SMAD3: variants seen among roughly 807,000 people sequenced by gnomAD.
The protein encoded by SMAD3 is MAD homolog 3.
Under a neutral mutation model 51.8 loss-of-function variants are expected in SMAD3, and 12 were observed. The ratio of observed to expected loss-of-function variants is 0.23; its 90% CI spans 0.15 to 0.38. SMAD3 has a LOEUF of 0.38. Ranked by LOEUF, SMAD3 falls within the 10% of genes least tolerant of loss-of-function variation. SMAD3 has a pLI of 1.00. For missense variants in SMAD3, 294 were observed against 565.6 expected (o/e 0.52, Z 4.87); for synonymous variants, 238 against 227.7 (o/e 1.05, Z -0.41).
intron 1 of SMAD3, among the ~76,000 whole-genome samples, chr15:67,083,400 A>G (rs906429555): frequency 1.3e-5 from 2 of 152,240 alleles, no homozygotes; most frequent in African/African-American, 4.8e-5. Flanking sequence ...ACTGGGGTTC[A>G]TGTGGGAAGT....
intron 1 of SMAD3, among the ~76,000 whole-genome samples, chr15:67,119,932 G>T (rs1029015941): frequency 2.0e-5 from 3 of 152,188 alleles, no homozygotes; most frequent in Admixed American, 2.0e-4. Context: ...AGGTAGCTGG[G>T]ATTATAGGCA....
At chr15:67,142,996 G>A (rs954488346) in intron 1 of SMAD3, 4 of 263,968 alleles carry the variant, frequency 1.5e-5, no homozygotes, top group African/African-American at 6.8e-5. Context: ...CAGGCCAGAC[G>A]TCCTTGCTGG....
intron 1 of SMAD3, among the ~76,000 whole-genome samples, chr15:67,114,950 A>G (rs1158776745): frequency 2.0e-4 from 30 of 152,038 alleles, no homozygotes; most frequent in Admixed American, 2.0e-3. Context: ...GGCTTTTCAC[A>G]CCTCCTGTCT....
intron 1 of SMAD3, chr15:67,099,098 G>T: frequency 1.5e-6 from 1 of 685,272 alleles, no homozygotes; most frequent in East Asian, 2.7e-5. Context: ...AGAGAAAGTG[G>T]CTGTGACTTC....
At chr15:67,096,835 A>G (rs999360280) in intron 1 of SMAD3, among the ~76,000 whole-genome samples, 1 of 152,214 alleles carries the variant, frequency 6.6e-6, no homozygotes, top group Non-Finnish European at 1.5e-5. Flanking sequence ...CATATAGGCA[A>G]GTGAGCATGT....
chr15:67,112,948 T>C (rs1368162289), intron 1 of SMAD3, among the ~76,000 whole-genome samples: 1 of 129,952 alleles, frequency 7.7e-6, no homozygotes, highest in African/African-American at 3.1e-5. Context: ...ATCATTTGAC[T>C]GTAAATGTAA....
rs1963394129 is a variant in SMAD3 at position 67,192,588 on chromosome 15, C to T, written c.*2052C>T. 4 of 233,232 alleles carry T rather than the reference C, an allele frequency of 1.7e-5. No individual in the cohort carries two copies. The highest frequency in any genetic ancestry group is 2.5e-5 in the Non-Finnish European group (3 of 118,014). The allele number at this position is 233,232 out of a possible 1,614,324, so 14.4% of individuals were successfully genotyped here. ...CTGCTAGAGCAGTCATGGTTCCTCTCCTAAAAGCCATGGGCAGCAGTTTCC... is the reference window on the plus strand; with the variant it reads ...CTGCTAGAGCAGTCATGGTTCCTCTTCTAAAAGCCATGGGCAGCAGTTTCC... On this transcript the variant is annotated 3_prime_UTR_variant, in exon 9 of 9. Transcript: ENST00000327367.
chr15:67,075,743 C>T (rs1029540234), intron 1 of SMAD3, among the ~76,000 whole-genome samples: 3 of 152,004 alleles, frequency 2.0e-5, no homozygotes, highest in East Asian at 1.9e-4. Flanking sequence ...GGTGAAACCT[C>T]GGCTCTACTA....
chr15:67,089,740 C>G (rs554378932), intron 1 of SMAD3, among the ~76,000 whole-genome samples: 29 of 152,360 alleles, frequency 1.9e-4, no homozygotes, highest in South Asian at 4.1e-4. Flanking sequence ...TTACAAAGCA[C>G]TTTCCCACAC....
chr15:67,093,275 C>G (rs1566965654), intron 1 of SMAD3, among the ~76,000 whole-genome samples: 1 of 152,128 alleles, frequency 6.6e-6, no homozygotes, highest in African/African-American at 2.4e-5. Context: ...AAATCAGGTG[C>G]GATGATGGAC....
intron 1 of SMAD3, among the ~76,000 whole-genome samples, chr15:67,084,842 C>T (rs1023325693): frequency 5.3e-5 from 8 of 152,314 alleles, no homozygotes; most frequent in Middle Eastern, 3.4e-3. Flanking sequence ...GGAAGGGAAA[C>T]GTGTTCACAG....
chr15:67,174,540 GT>G (rs1424292767), intron 5 of SMAD3: 1 of 152,420 alleles, frequency 6.6e-6, no homozygotes, highest in Non-Finnish European at 1.5e-5. Context: ...TGGCATCAGG[GT>G]TTCAAGGGGG....
Position 67,194,435 on chromosome 15 carries a change from C to CA in SMAD3, c.*3900dup, listed in dbSNP as rs1365837284. The CA allele has an allele frequency of 4.3e-6, 1 of 233,090 alleles. No homozygotes were observed. Among genetic ancestry groups the CA allele is most frequent in the African/African-American group, 2.2e-5 (1 of 45,284 alleles). The allele number at this position is 233,090 out of a possible 1,614,324, so 14.4% of individuals were successfully genotyped here. On this transcript the variant is annotated 3_prime_UTR_variant, in exon 9 of 9. Coordinates refer to ENST00000327367, the MANE Select transcript of SMAD3 (RefSeq NM_005902.4). ...GGCAACTTTTCAAAAACACAGCTAT[C>CA]ATAGAAAAGAAACTTGCCTCATGTA...
Position 67,194,380 on chromosome 15 carries a change from G to A in SMAD3, c.*3844G>A. On this transcript the variant is annotated 3_prime_UTR_variant, in exon 9 of 9. Transcript: ENST00000327367. The stretch of plus-strand genomic sequence containing the variant: ...GATGATGAAGCATCTCCCATGGGGA[G>A]GTGATGGTGGGGAGATGATGGGCTA... 1 of 233,406 alleles carries A rather than the reference G, an allele frequency of 4.3e-6. No individual in the cohort carries two copies. Among genetic ancestry groups the A allele is most frequent in the East Asian group, 6.0e-5 (1 of 16,730 alleles). 14.5% of individuals were successfully genotyped at this position (233,406 alleles called of 1,614,324 possible).
At chr15:67,139,850 G>T (rs1403172206) in intron 1 of SMAD3, among the ~76,000 whole-genome samples, 1 of 152,072 alleles carries the variant, frequency 6.6e-6, no homozygotes, top group African/African-American at 2.4e-5. Flanking sequence ...CAGGTGTGGT[G>T]GTTCATGCCT....
chr15:67,123,057 G>A (rs1487081492), intron 1 of SMAD3, among the ~76,000 whole-genome samples: 2 of 151,824 alleles, frequency 1.3e-5, no homozygotes, highest in Non-Finnish European at 2.9e-5. Context: ...TATTAGCTGG[G>A]CATGGTGGTG....
At position 67,191,616 on chromosome 15, in the gene SMAD3, C is replaced by A. The variant is rs528490702; in HGVS notation, c.*1080C>A. The stretch of plus-strand genomic sequence containing the variant: ...CCCAGCAACTGCTTCTCTCCCTTCT[C>A]TCTCCTGAGGTGAAGCTTTTCCAGG... On this transcript the variant is annotated 3_prime_UTR_variant, in exon 9 of 9. Transcript: ENST00000327367. 4.3e-6 allele frequency: 1 copy of A among 233,288 alleles called. No homozygotes were observed. The highest frequency in any genetic ancestry group is 6.0e-5 in the East Asian group (1 of 16,720). The allele number at this position is 233,288 out of a possible 1,614,324, so 14.5% of individuals were successfully genotyped here. A position where few individuals can be genotyped will look rare whatever the true frequency, so the allele number is the denominator to read the frequency against.
At chr15:67,160,770 C>CAAAAAAAAAAAAAAAAAAAAAAAAAAAAA (rs547354315) in intron 1 of SMAD3, among the ~76,000 whole-genome samples, 1 of 61,004 alleles carries the variant, frequency 1.6e-5, no homozygotes, top group African/African-American at 7.3e-5. Flanking sequence ...GACTCCATCT[C>CAAAAAAAAAAAAAAAAAAAAAAAAAAAAA]AAAAAAAAAA....
intron 1 of SMAD3, among the ~76,000 whole-genome samples, chr15:67,126,494 C>T (rs749937576): frequency 6.6e-6 from 1 of 152,208 alleles, no homozygotes; most frequent in Non-Finnish European, 1.5e-5. Flanking sequence ...GTGATTGTTA[C>T]AGATCTTCAT....
Sources: gnomAD v4.1 joint callset for allele counts (sites outside exome capture counted in the v4.1 genomes callset) on GRCh38, gnomAD v4.1.1 for gene constraint, MANE v1.5 for transcripts, NCBI Gene and HGNC (gene_info 2026-07-23, HGNC 2026-07-21) for gene names.